SUSD1: variants seen among roughly 807,000 people sequenced by gnomAD.
The protein encoded by SUSD1 is sushi domain-containing protein 1.
SUSD1 carries 65 observed loss-of-function variants against 86.9 expected under a neutral mutation model. The ratio of observed to expected loss-of-function variants is 0.75; its 90% CI spans 0.61 to 0.92. The LOEUF (loss-of-function observed/expected upper bound fraction) is 0.92. Ranked by LOEUF, SUSD1 falls within the 40% of genes least tolerant of loss-of-function variation. The probability of loss-of-function intolerance (pLI) is 0.00; values close to 1 mark genes in which losing one functional copy is unlikely to be tolerated. For synonymous variants in SUSD1, 346 were observed against 350.0 expected (o/e 0.99, Z 0.13); for missense variants, 850 against 929.7 (o/e 0.91, Z 1.11).
chr9:112,098,107 C>A (rs1325893112), intron 10 of SUSD1, among the ~76,000 whole-genome samples: 2 of 152,118 alleles, frequency 1.3e-5, no homozygotes, highest in African/African-American at 4.8e-5. Context: ...GTGGGACCCA[C>A]GTTTCTGGTC....
intron 15 of SUSD1, among the ~76,000 whole-genome samples, chr9:112,042,348 T>G (rs930101106): frequency 2.6e-5 from 4 of 152,168 alleles, no homozygotes; most frequent in African/African-American, 9.7e-5. Context: ...CATTATGATA[T>G]TATTTGAATT....
intron 5 of SUSD1, among the ~76,000 whole-genome samples, chr9:112,138,266 C>CACAT (rs1554770381): frequency 3.2e-5 from 2 of 62,858 alleles, no homozygotes; most frequent in African/African-American, 1.5e-4. Flanking sequence ...TGTGTATATA[C>CACAT]ATATATATAT....
At chr9:112,100,306 C>A (rs1397639992) in intron 9 of SUSD1, among the ~76,000 whole-genome samples, 2 of 152,092 alleles carry the variant, frequency 1.3e-5, no homozygotes, top group African/African-American at 2.4e-5. Context: ...CCTGCCTCAG[C>A]CTCCCAAGTA....
chr9:112,084,550 A>C (rs567721847), intron 10 of SUSD1, among the ~76,000 whole-genome samples: 8 of 152,188 alleles, frequency 5.3e-5, no homozygotes, highest in African/African-American at 1.9e-4. Context: ...ATTCAGTTCC[A>C]CCCGGGTCAG....
chr9:112,169,675 CTTTT>C (rs36110944), intron 1 of SUSD1, among the ~76,000 whole-genome samples: 1 of 138,022 alleles, frequency 7.2e-6, no homozygotes, highest in Non-Finnish European at 1.6e-5. Flanking sequence ...AAGGGTGTAC[CTTTT>C]TTTTTTTTTT....
At chr9:112,063,486 C>T (rs181503600) in intron 12 of SUSD1, among the ~76,000 whole-genome samples, 38 of 152,306 alleles carry the variant, frequency 2.5e-4, no homozygotes, top group African/African-American at 8.7e-4. Context: ...ATGAGTATAT[C>T]ATGGCACTGG....
intron 12 of SUSD1, among the ~76,000 whole-genome samples, chr9:112,068,498 C>T (rs1462926528): frequency 6.6e-6 from 1 of 152,004 alleles, no homozygotes; most frequent in Non-Finnish European, 1.5e-5. Context: ...GCCAAGAGTT[C>T]AAGACCAGCT....
chr9:112,075,936 G>A lies in SUSD1; in HGVS notation c.1753+2602C>T, dbSNP rs528787272. Reference sequence around the variant, plus strand: ...CTGCAGATGGAAAAGTCTGGAGGCTGGAAAAACTTTGACCCATTGAAGGAA... The same window carrying A: ...CTGCAGATGGAAAAGTCTGGAGGCTAGAAAAACTTTGACCCATTGAAGGAA... On this transcript the variant is annotated intron_variant, in intron 12 of 16. Coordinates refer to ENST00000374270, the MANE Select transcript of SUSD1 (RefSeq NM_022486.5). Among the ~76,000 whole-genome samples the A allele has an allele frequency of 4.5e-4, 68 of 152,262 alleles. 1 individual carries two copies. Among genetic ancestry groups the A allele is most frequent in the African/African-American group, 1.6e-3 (67 of 41,532 alleles).
At chr9:112,171,226 C>T (rs1226938523) in intron 1 of SUSD1, among the ~76,000 whole-genome samples, 1 of 152,162 alleles carries the variant, frequency 6.6e-6, no homozygotes, top group Admixed American at 6.5e-5. Context: ...TCCAGCTGGG[C>T]GTACCTGAAC....
At chr9:112,088,968 A>G (rs1349805995) in intron 10 of SUSD1, among the ~76,000 whole-genome samples, 1 of 152,184 alleles carries the variant, frequency 6.6e-6, no homozygotes, top group Non-Finnish European at 1.5e-5. Flanking sequence ...TTAGCTGAGC[A>G]CAGTGGCTTA....
intron 5 of SUSD1, among the ~76,000 whole-genome samples, chr9:112,130,296 C>A (rs563856591): frequency 6.6e-6 from 1 of 151,804 alleles, no homozygotes. Flanking sequence ...TCGCTTGAAC[C>A]TGGGAGGCAG....
intron 3 of SUSD1, among the ~76,000 whole-genome samples, chr9:112,146,383 G>A (rs1212609368): frequency 6.6e-6 from 1 of 152,056 alleles, no homozygotes; most frequent in African/African-American, 2.4e-5. Context: ...CATCAAAAGG[G>A]TGAATTTGAT....
intron 13 of SUSD1, among the ~76,000 whole-genome samples, chr9:112,059,983 T>A (rs535831063): frequency 8.6e-5 from 13 of 151,742 alleles, no homozygotes; most frequent in Non-Finnish European, 1.6e-4. Context: ...AATGAATGAT[T>A]CTTGAGTTGA....
At chr9:112,173,225 AG>A (rs1239205510) in intron 1 of SUSD1, among the ~76,000 whole-genome samples, 1 of 152,198 alleles carries the variant, frequency 6.6e-6, no homozygotes, top group Non-Finnish European at 1.5e-5. Flanking sequence ...CCACTCCAGA[AG>A]ATCAAGCCAT....
At chr9:112,173,845 T>A (rs980874738) in intron 1 of SUSD1, 1 of 301,336 alleles carries the variant, frequency 3.3e-6, no homozygotes. Flanking sequence ...GCAAACCGCA[T>A]GTTTGTCAGG....
At chr9:112,070,276 G>A (rs1319816218) in intron 12 of SUSD1, among the ~76,000 whole-genome samples, 1 of 152,172 alleles carries the variant, frequency 6.6e-6, no homozygotes, top group African/African-American at 2.4e-5. Flanking sequence ...CAAAGTGCTG[G>A]CATTACAGGC....
intron 15 of SUSD1, chr9:112,052,190 C>CT: frequency 6.7e-7 from 1 of 1,492,560 alleles, no homozygotes; most frequent in Non-Finnish European, 8.9e-7. Flanking sequence ...CTGGAGCCTT[C>CT]TTGGTGGGGT....
chr9:112,144,125 A>G (rs912813097), intron 3 of SUSD1, among the ~76,000 whole-genome samples: 9 of 152,184 alleles, frequency 5.9e-5, no homozygotes, highest in Admixed American at 3.9e-4. Flanking sequence ...CTGTAGTCCC[A>G]GCTATTCAGG....
chr9:112,075,961 A>G (rs1829497290), intron 12 of SUSD1, among the ~76,000 whole-genome samples: 1 of 152,180 alleles, frequency 6.6e-6, no homozygotes, highest in Non-Finnish European at 1.5e-5. Context: ...CATTGAAGGA[A>G]CTGCAAGAAG....
Sources: allele counts gnomAD v4.1 joint callset (sites outside exome capture counted in the v4.1 genomes callset), GRCh38; gene constraint gnomAD v4.1.1; transcripts MANE v1.5; gene names NCBI Gene and HGNC (gene_info 2026-07-23, HGNC 2026-07-21).